Variants in TMEM132A observed in about 807,000 individuals in gnomAD.
TMEM132A encodes GRP78-binding protein.
In TMEM132A, 48 loss-of-function variants were observed where a neutral mutation model predicts 69.9. That is an observed-to-expected ratio of 0.69 (90% CI 0.55 to 0.87). The LOEUF (loss-of-function observed/expected upper bound fraction) is 0.87, where lower values mean the gene tolerates loss of function less well. Among genes scored for constraint, TMEM132A ranks in the 40% least tolerant of loss-of-function variants. The probability of loss-of-function intolerance (pLI) is 0.00; values close to 1 mark genes in which losing one functional copy is unlikely to be tolerated. For missense variants in TMEM132A, 1,287 were observed against 1,407.2 expected (o/e 0.91, Z 1.37); for synonymous variants, 577 against 613.7 (o/e 0.94, Z 0.88).
At chr11:60,927,145 CG>C in intron 1 of TMEM132A, 58 bp from the exon 2 acceptor site, 1 of 1,471,690 alleles carries the variant, frequency 6.8e-7, no homozygotes, top group Non-Finnish European at 9.4e-7. Flanking sequence ...GCATGGCACC[CG>C]GGTCAGCCCC....
At position 60,935,030 on chromosome 11, in the gene TMEM132A, G is replaced by A. The variant is rs985191269; in HGVS notation, c.1837-222G>A. 3.3e-5 allele frequency among the ~76,000 whole-genome samples: 5 copies of A among 152,162 alleles called. No individual in the cohort carries two copies. Among genetic ancestry groups the A allele is most frequent in the African/African-American group, 1.2e-4 (5 of 41,420 alleles). ...AAAAGGGAACTGCCCCCTAGGTGTGGGATTGGGGTCCAGGTATGCACCGGG... is the reference window on the plus strand; with the variant it reads ...AAAAGGGAACTGCCCCCTAGGTGTGAGATTGGGGTCCAGGTATGCACCGGG... On this transcript the variant is annotated intron_variant, in intron 9 of 10. Transcript: ENST00000453848. This position sits in a 1 kb window ranked among gnomAD's most constrained non-coding sequence, Gnocchi z 5.0.
At chr11:60,929,082 C>A in intron 4 of TMEM132A, 122 bp downstream of exon 4, 2 of 925,084 alleles carry the variant, frequency 2.2e-6, no homozygotes, top group Non-Finnish European at 3.3e-6. Flanking sequence ...ATGTGTCCAC[C>A]AAACTAAACT....
chr11:60,924,544 G>A lies in TMEM132A; in HGVS notation c.-90G>A. 1 of 1,097,102 alleles carries A rather than the reference G, an allele frequency of 9.1e-7. No individual in the cohort carries two copies. The highest frequency in any genetic ancestry group is 1.3e-6 in the Non-Finnish European group (1 of 797,068). 68.0% of individuals were successfully genotyped at this position (1,097,102 alleles called of 1,614,324 possible). A position where few individuals can be genotyped will look rare whatever the true frequency, so the allele number is the denominator to read the frequency against. ...CGGCGGCCGGGACCCAGCGGGCCAG[G>A]TGGGGACGGCGCGGAGCGGGTGCGG... On this transcript the variant is annotated 5_prime_UTR_variant, in exon 1 of 11. In the 5' UTR this introduces an upstream ATG that the reference lacks. Transcript: ENST00000453848.
chr11:60,924,727 G>T lies in TMEM132A; in HGVS notation c.94G>T (p.Val32Leu). The change falls in exon 1 of 11, where the codon GTG becomes TTG. Residue 32 changes from valine (V) to leucine (L), a missense_variant. Physicochemically the swap from Val to Leu is conservative, Grantham distance 32 (BLOSUM62 1). Transcript: ENST00000453848. ...CCTGGTGGCCCTCGCCCTGGACGTC[G>T]TGAGAGGTCAGCGGGAGGGGAGGGC... ...CLLVALALDV[V>L]RVDCGQAPLD... The T allele has an allele frequency of 6.4e-7, 1 of 1,572,124 alleles. No individual in the cohort carries two copies. Among genetic ancestry groups the T allele is most frequent in the Admixed American group, 1.7e-5 (1 of 57,788 alleles).
At position 60,930,656 on chromosome 11, in the gene TMEM132A, C is replaced by T; in HGVS notation, c.1013C>T (p.Ser338Phe). The stretch of plus-strand genomic sequence containing the variant: ...CGTGCTGGGCTCACAGAGCCAGATT[C>T]CAGGTGGGCAGTTTCCCTCCACCCA... Reference protein sequence around the residue: ...CHRAGLTEPDSSPLELSEFLW... With the variant: ...CHRAGLTEPDFSPLELSEFLW... Residue 338 changes from serine to phenylalanine, a missense_variant, in exon 5 of 11, where the codon TCC (serine) becomes TTC (phenylalanine). Coordinates refer to ENST00000453848, the MANE Select transcript of TMEM132A (RefSeq NM_178031.3). 1 of 1,607,064 alleles carries T rather than the reference C, an allele frequency of 6.2e-7. No individual in the cohort carries two copies. The highest frequency in any genetic ancestry group is 8.5e-7 in the Non-Finnish European group (1 of 1,177,046).
Position 60,934,391 on chromosome 11 carries a change from G to A in TMEM132A, c.1560-97G>A. ...AAACAGGAGCTGCTGGTGATTAGGA[G>A]CCGCCGGGGACGAGCTGCGGGTCTC... On this transcript the variant is annotated intron_variant, in intron 8 of 10. Transcript: ENST00000453848. 4 of 1,147,944 alleles carry A rather than the reference G, an allele frequency of 3.5e-6. No homozygotes were observed. The South Asian group carries it at 9.4e-5, about 27-fold the overall frequency. The allele number at this position is 1,147,944 out of a possible 1,614,324, so 71.1% of individuals were successfully genotyped here.
rs773838469 is a variant in TMEM132A, at chr11:60,936,918, C to A, written c.*11C>A. On this transcript the variant is annotated 3_prime_UTR_variant, in exon 11 of 11. Coordinates refer to ENST00000453848, the MANE Select transcript of TMEM132A (RefSeq NM_178031.3). Reference sequence around the variant, plus strand: ...CGGGGCAGCTCCTGACCCTCCACAGCCACCTGGTCAGCCACCAGCTGGGGC... The same window carrying A: ...CGGGGCAGCTCCTGACCCTCCACAGACACCTGGTCAGCCACCAGCTGGGGC... The A allele has an allele frequency of 6.6e-7, 1 of 1,516,424 alleles. No homozygotes were observed. The highest frequency in any genetic ancestry group is 2.2e-5 in the Admixed American group (1 of 45,314). 93.9% of individuals were successfully genotyped at this position (1,516,424 alleles called of 1,614,324 possible).
Position 60,924,504 on chromosome 11 carries a change from C to CG in TMEM132A, c.-128dup, listed in dbSNP as rs920029970. The CG allele has an allele frequency of 1.9e-5, 8 of 413,758 alleles. No homozygotes were observed. Among genetic ancestry groups the CG allele is most frequent in the East Asian group, 1.5e-4 (3 of 20,088 alleles). The allele number at this position is 413,758 out of a possible 1,614,324, so 25.6% of individuals were successfully genotyped here. On this transcript the variant is annotated 5_prime_UTR_variant, in exon 1 of 11. Coordinates refer to ENST00000453848, the MANE Select transcript of TMEM132A (RefSeq NM_178031.3). ...CTGGGAATTGCAGCCGCGGGGCGGG[C>CG]GGCGGCGGCGGCGGCGGCGGCCGGG...
intron 4 of TMEM132A, among the ~76,000 whole-genome samples, chr11:60,929,611 G>A (rs1856431744): frequency 6.6e-6 from 1 of 152,204 alleles, no homozygotes; most frequent in Admixed American, 6.5e-5. Context: ...TTCTAGGCAG[G>A]ATAGTCCTGG....
At chr11:60,932,319 A>C in intron 7 of TMEM132A, 192 bp downstream of exon 7, 1 of 608,518 alleles carries the variant, frequency 1.6e-6, no homozygotes, top group Non-Finnish European at 2.6e-6. Context: ...AGTAACCCTA[A>C]CAGCCCCCCG....
intron 8 of TMEM132A, 97 bp from the exon 9 acceptor site, chr11:60,934,391 G>C: frequency 8.7e-7 from 1 of 1,147,944 alleles, no homozygotes; most frequent in Non-Finnish European, 1.1e-6. Context: ...GTGATTAGGA[G>C]CCGCCGGGGA....
At position 60,936,383 on chromosome 11, in the gene TMEM132A, A is replaced by C; in HGVS notation, c.2548A>C (p.Met850Leu). ...PQHVTELELG[M>L]YALLGVFCVA... ...GCATGTCACTGAGCTAGAGCTGGGCATGTACGCCCTGCTGGGAGTCTTCTG... is the reference window on the plus strand; with the variant it reads ...GCATGTCACTGAGCTAGAGCTGGGCCTGTACGCCCTGCTGGGAGTCTTCTG... Residue 850 changes from methionine to leucine, a missense_variant, in exon 11 of 11, where the codon ATG becomes CTG. Met to Leu is a conservative substitution (Grantham distance 15). Transcript: ENST00000453848. 1 of 1,614,128 alleles carries C rather than the reference A, an allele frequency of 6.2e-7. No individual in the cohort carries two copies. Among genetic ancestry groups the C allele is most frequent in the Non-Finnish European group, 8.5e-7 (1 of 1,179,990 alleles).
chr11:60,936,240 G>A lies in TMEM132A; in HGVS notation c.2405G>A (p.Gly802Glu), dbSNP rs780944372. The change falls in exon 11 of 11, where the codon GGG becomes GAG. Residue 802 changes from glycine to glutamate, a missense_variant. Transcript: ENST00000453848. ...GGKRQVAGSV[G>E]GNTGVRGKFE... is the part of the protein sequence containing the mutation. ...AAACGGCAGGTGGCAGGCAGTGTCG[G>A]GGGCAACACAGGTGTGAGGGGCAAG... The A allele has an allele frequency of 2.5e-6, 4 of 1,614,098 alleles. No homozygotes were observed.
intron 3 of TMEM132A, 107 bp downstream of exon 3, chr11:60,927,966 T>C (rs1856390542): frequency 1.1e-6 from 1 of 927,060 alleles, no homozygotes; most frequent in African/African-American, 1.7e-5. Context: ...GCGGGGGTTG[T>C]GGACCACCCG....
intron 8 of TMEM132A, 84 bp downstream of exon 8, chr11:60,933,828 A>C (rs1056228648): frequency 3.8e-6 from 5 of 1,329,538 alleles, no homozygotes; most frequent in Non-Finnish European, 5.1e-6. Flanking sequence ...CCATGGGCCC[A>C]AGTCGGGGTC....
At position 60,924,628 on chromosome 11, in the gene TMEM132A, G is replaced by A. The variant is rs1206663704; in HGVS notation, c.-6G>A. The A allele has an allele frequency of 1.3e-6, 2 of 1,590,740 alleles. No homozygotes were observed. The highest frequency in any genetic ancestry group is 4.6e-5 in the East Asian group (2 of 43,884). ...GCCCGCCTCGTCCCCGCCTTCTGTG[G>A]GAAGGATGTGCGCGCGGATGGCCGG... On this transcript the variant is annotated 5_prime_UTR_variant, in exon 1 of 11. Transcript: ENST00000453848.
chr11:60,932,680 AGG>A (rs1856505882), intron 7 of TMEM132A: 1 of 152,260 alleles, frequency 6.6e-6, no homozygotes, highest in African/African-American at 2.4e-5. Flanking sequence ...GTGAAATAAA[AGG>A]GAGGGTGGTA....
At position 60,924,504 on chromosome 11, in the gene TMEM132A, C is replaced by T. The variant is rs900245704; in HGVS notation, c.-130C>T. The T allele has an allele frequency of 8.0e-5, 33 of 413,754 alleles. No homozygotes were observed. Among genetic ancestry groups the T allele is most frequent in the Non-Finnish European group, 1.2e-4 (31 of 257,808 alleles). The allele number at this position is 413,754 out of a possible 1,614,324, so 25.6% of individuals were successfully genotyped here. On this transcript the variant is annotated 5_prime_UTR_variant, in exon 1 of 11. Coordinates refer to ENST00000453848, the MANE Select transcript of TMEM132A (RefSeq NM_178031.3). ...CTGGGAATTGCAGCCGCGGGGCGGG[C>T]GGCGGCGGCGGCGGCGGCGGCCGGG...
At chr11:60,928,171 G>GTT (rs1318671591) in intron 3 of TMEM132A, among the ~76,000 whole-genome samples, 2 of 152,208 alleles carry the variant, frequency 1.3e-5, no homozygotes, top group African/African-American at 4.8e-5. Context: ...TGAGATGAAT[G>GTT]TAAGGATAGC....
Sources: gnomAD v4.1 joint callset for allele counts (sites outside exome capture counted in the v4.1 genomes callset) on GRCh38, gnomAD v4.1.1 for gene constraint, Gnocchi (gnomAD v3.1) non-coding constraint, MANE v1.5 for transcripts, NCBI Gene and HGNC (gene_info 2026-07-23, HGNC 2026-07-21) for gene names.